Variants in ARAP2 observed in about 807,000 individuals in gnomAD.
ARAP2 encodes arf-GAP with Rho-GAP domain, ANK repeat and PH domain-containing protein 2.
In ARAP2, 148 loss-of-function variants were observed where a neutral mutation model predicts 194.5. The observed-to-expected ratio is 0.76, with a 90% CI of 0.67 to 0.87. The LOEUF (loss-of-function observed/expected upper bound fraction) is 0.87, where lower values mean the gene tolerates loss of function less well. ARAP2 is among the 40% of genes least tolerant of loss of function. The pLI is 0.00. For synonymous variants in ARAP2, 695 were observed against 683.5 expected (o/e 1.02, Z -0.26); for missense variants, 2,128 against 1,989.7 (o/e 1.07, Z -1.32).
chr4:36,025,298 T>A (rs1159320281), intron 5 of ARAP2, among the ~76,000 whole-genome samples: 1 of 152,158 alleles, frequency 6.6e-6, no homozygotes. Context: ...GATTTTAACA[T>A]TTTAATTATT....
chr4:36,130,195 T>C (rs1398304703), intron 20 of ARAP2, among the ~76,000 whole-genome samples: 1 of 152,006 alleles, frequency 6.6e-6, no homozygotes, highest in Non-Finnish European at 1.5e-5. Flanking sequence ...GCCCTCTGTG[T>C]GTCTCAACAA....
In ARAP2 at chr4:36,121,985, C is replaced by T. The variant is rs184426425; in HGVS notation, c.3747-659G>A. On this transcript the variant is annotated intron_variant, in intron 22 of 32. Coordinates refer to ENST00000303965, the MANE Select transcript of ARAP2 (RefSeq NM_015230.4). ...CTCTTTCAATCAGTAGGCTATAACACTGGGGTCTTAAAAGAGTTGTTAAAC... is the reference window on the plus strand; with the variant it reads ...CTCTTTCAATCAGTAGGCTATAACATTGGGGTCTTAAAAGAGTTGTTAAAC... Among the ~76,000 whole-genome samples, 220 of 151,622 alleles carry T rather than the reference C, an allele frequency of 1.5e-3. 2 individuals are homozygous for T. The highest frequency in any genetic ancestry group is 4.2e-3 in the African/African-American group (175 of 41,428).
intron 31 of ARAP2, among the ~76,000 whole-genome samples, chr4:36,074,222 A>T (rs182978320): frequency 1.5e-4 from 23 of 152,274 alleles, no homozygotes; most frequent in African/African-American, 5.3e-4. Flanking sequence ...ATTTCATCTT[A>T]TATATCCCAA....
chr4:36,054,606 G>A (rs1723197595), intron 2 of ARAP2, among the ~76,000 whole-genome samples: 1 of 152,042 alleles, frequency 6.6e-6, no homozygotes, highest in Non-Finnish European at 1.5e-5. Flanking sequence ...TGTCTATATA[G>A]AACAAATGAG....
intron 27 of ARAP2, among the ~76,000 whole-genome samples, chr4:36,100,378 C>T (rs577989787): frequency 6.6e-6 from 1 of 152,036 alleles, no homozygotes; most frequent in Non-Finnish European, 1.5e-5. Flanking sequence ...AAGACTATTT[C>T]TTCAGAGCTG....
chr4:36,101,717 A>G (rs554951284), intron 27 of ARAP2, among the ~76,000 whole-genome samples: 20 of 152,082 alleles, frequency 1.3e-4, no homozygotes, highest in African/African-American at 4.1e-4. Flanking sequence ...TTATTGACAA[A>G]TGTGAAAATT....
intron 27 of ARAP2, among the ~76,000 whole-genome samples, chr4:36,104,178 G>A (rs1385542658): frequency 6.8e-6 from 1 of 147,314 alleles, no homozygotes. Flanking sequence ...GAAAAAATGT[G>A]GTTGCAACCA....
rs187830090 is a variant in ARAP2 at position 36,165,155 on chromosome 4, A to G, written c.1974-42T>C. The G allele has an allele frequency of 3.2e-4, 501 of 1,587,344 alleles. 1 individual carries two copies. In the African/African-American group the frequency reaches 5.1e-3, roughly 16 times the overall value. On this transcript the variant is annotated intron_variant, in intron 10 of 32. Transcript: ENST00000303965. ...TTCTGTGTTATCGATCTCCCTTGTA[A>G]AGGCCAATTAAGCAGTATGTTCAGT... is the stretch of plus-strand genomic sequence containing the variant.
chr4:36,094,493 G>A (rs531683477), intron 27 of ARAP2, among the ~76,000 whole-genome samples: 3 of 152,036 alleles, frequency 2.0e-5, no homozygotes, highest in Non-Finnish European at 4.4e-5. Context: ...CTTTAGTTCA[G>A]TAGTTTCTTT....
intron 7 of ARAP2, among the ~76,000 whole-genome samples, chr4:36,189,306 G>A (rs986104647): frequency 6.6e-6 from 1 of 152,018 alleles, no homozygotes; most frequent in Non-Finnish European, 1.5e-5. Flanking sequence ...GATACATAGT[G>A]ATGTCATGAT....
intron 9 of ARAP2, among the ~76,000 whole-genome samples, chr4:36,008,809 C>T (rs747461751): frequency 1.3e-5 from 2 of 152,036 alleles, no homozygotes; most frequent in African/African-American, 2.4e-5. Context: ...CAACAAAGGT[C>T]TATTATCCAG....
At chr4:36,192,173 T>G (rs1435862180) in intron 7 of ARAP2, among the ~76,000 whole-genome samples, 40 of 85,434 alleles carry the variant, frequency 4.7e-4, no homozygotes, top group African/African-American at 1.3e-3. Flanking sequence ...TTTCTGTTTT[T>G]TTTTTTTTTT....
chr4:36,043,382 TC>T (rs1721197730), intron 5 of ARAP2, among the ~76,000 whole-genome samples: 2 of 152,160 alleles, frequency 1.3e-5, no homozygotes, highest in African/African-American at 2.4e-5. Flanking sequence ...TTAACTAGGG[TC>T]TTCTGAAAAT....
At chr4:36,107,750 T>C in intron 26 of ARAP2, 57 bp from the exon 27 acceptor site, 1 of 1,497,908 alleles carries the variant, frequency 6.7e-7, no homozygotes, top group Non-Finnish European at 9.0e-7. Context: ...CAATTTTTTA[T>C]TTTATAATCA....
At chr4:36,091,843 CA>C (rs1196405287) in intron 28 of ARAP2, 37 bp downstream of exon 28, 1 of 1,544,916 alleles carries the variant, frequency 6.5e-7, no homozygotes, top group African/African-American at 1.4e-5. Flanking sequence ...TGTTAATACC[CA>C]CACAAATAAA....
rs147629869 is a variant in ARAP2 at position 36,177,924 on chromosome 4, G to A, written c.1760C>T (p.Thr587Ile). Residue 587 changes from threonine to isoleucine, a missense_variant, in exon 9 of 33, where the codon ACA becomes ATA. Physicochemically the swap from Thr to Ile is moderately conservative, Grantham distance 89. Coordinates refer to ENST00000303965, the MANE Select transcript of ARAP2 (RefSeq NM_015230.4). ...SLTSQSQAVV[T>I]PEKCGYLELR... The stretch of plus-strand genomic sequence containing the variant: ...TTCAAGATATCCACATTTCTCAGGT[G>A]TAACAACAGCTTGAGACTGCGAGGT... The A allele has an allele frequency of 1.2e-5, 19 of 1,613,580 alleles. No homozygotes were observed. Among genetic ancestry groups the A allele is most frequent in the South Asian group, 1.1e-4 (10 of 91,030 alleles).
chr4:36,218,706 T>C (rs769526192), intron 2 of ARAP2, among the ~76,000 whole-genome samples: 18 of 152,228 alleles, frequency 1.2e-4, no homozygotes, highest in Non-Finnish European at 1.9e-4. Flanking sequence ...TAAAGGAAAG[T>C]GCACATAAAT....
At chr4:36,139,355 T>C (rs982097854) in intron 19 of ARAP2, among the ~76,000 whole-genome samples, 1 of 151,646 alleles carries the variant, frequency 6.6e-6, no homozygotes, top group African/African-American at 2.4e-5. Context: ...ATTAAACTGA[T>C]GCACAGTTTT....
downstream of ARAP2, among the ~76,000 whole-genome samples, chr4:36,061,323 C>T (rs553248665): frequency 1.3e-5 from 2 of 152,180 alleles, no homozygotes; most frequent in South Asian, 4.1e-4. Context: ...CTTTTGTATC[C>T]ATTAACCATT....
Sources: gnomAD v4.1 joint callset for allele counts (sites outside exome capture counted in the v4.1 genomes callset) on GRCh38, gnomAD v4.1.1 for gene constraint, MANE v1.5 for transcripts, NCBI Gene and HGNC (gene_info 2026-07-23, HGNC 2026-07-21) for gene names.